The following AMIGO2 variants were observed in gnomAD, a reference collection of about 807,000 sequenced individuals.
AMIGO2 encodes the protein amphoterin-induced protein 2.
Under a neutral mutation model 23.7 loss-of-function variants are expected in AMIGO2, and 15 were observed. The ratio of observed to expected loss-of-function variants is 0.63; its 90% CI spans 0.42 to 0.98. AMIGO2 has a LOEUF of 0.98. Ranked by LOEUF, AMIGO2 falls within the 50% of genes least tolerant of loss-of-function variation. The pLI, the probability that AMIGO2 is intolerant of heterozygous loss-of-function variation, is 0.00. For synonymous variants in AMIGO2, 264 were observed against 252.3 expected, an observed-to-expected ratio of 1.05 and a Z score of -0.44; for missense variants, 561 against 633.1, an observed-to-expected ratio of 0.89 and a Z score of 1.22.
chr12:47,078,994 T>G lies in AMIGO2; in HGVS notation c.9A>C (p.Leu3Phe). 1 of 1,594,296 alleles carries G rather than the reference T, an allele frequency of 6.3e-7. No individual in the cohort carries two copies. Among genetic ancestry groups the G allele is most frequent in the Non-Finnish European group, 8.6e-7 (1 of 1,168,132 alleles). The part of the protein sequence containing the change: MS[L>F]RVHTLPTLLG... ...GCAGGGTGGGCAGAGTGTGTACACG[T>G]AACGACATTATGGTCGCCTCTGAGT... is the stretch of plus-strand genomic sequence containing the variant. Residue 3 changes from leucine (L) to phenylalanine (F), a missense_variant, in exon 3 of 3, where the codon TTA becomes TTC. Physicochemically the swap from Leu to Phe is conservative, Grantham distance 22. Coordinates refer to ENST00000550413, the MANE Select transcript of AMIGO2 (RefSeq NM_001370299.1).
Position 47,078,888 on chromosome 12 carries a change from C to T in AMIGO2, c.115G>A (p.Gly39Arg). The T allele has an allele frequency of 6.2e-7, 1 of 1,614,206 alleles. No individual in the cohort carries two copies. ...CAGATGCAAGCGGTGGGGCACACCCCAGAGGCACCAGGGCCCACAGTCACT... is the reference window on the plus strand; with the variant it reads ...CAGATGCAAGCGGTGGGGCACACCCTAGAGGCACCAGGGCCCACAGTCACT... Reference protein sequence around the residue: ...ITVTVGPGASGVCPTACICAT... With the variant: ...ITVTVGPGASRVCPTACICAT... The change falls in exon 3 of 3, where the codon GGG (glycine) becomes AGG (arginine). Residue 39 changes from glycine (G) to arginine (R), a missense_variant. Physicochemically the swap from Gly to Arg is moderately radical, Grantham distance 125 (BLOSUM62 -2). Transcript: ENST00000550413.
In AMIGO2 at chr12:47,078,910, C is replaced by T. The variant is rs35667451; in HGVS notation, c.93G>A (p.Val31=). 8.7e-3 allele frequency: 14,048 copies of T among 1,614,146 alleles called. 922 individuals carry two copies. The African/African-American group carries it at 0.15, about 18-fold the overall frequency. ...CCCCAGAGGCACCAGGGCCCACAGTCACTGTGATCATCAGCAAACACAGCA... is the reference window on the plus strand; with the variant it reads ...CCCCAGAGGCACCAGGGCCCACAGTTACTGTGATCATCAGCAAACACAGCA... The part of the protein sequence containing the change: ...RELLCLLMIT[V]TVGPGASGVC... The change falls in exon 3 of 3, where the codon GTG becomes GTA. Residue 31 remains valine, a synonymous_variant. Transcript: ENST00000550413.
In AMIGO2 at chr12:47,077,637, C is replaced by A. The variant is rs773000066; in HGVS notation, c.1366G>T (p.Asp456Tyr). The A allele has an allele frequency of 1.2e-5, 20 of 1,614,206 alleles. No homozygotes were observed. Among genetic ancestry groups the A allele is most frequent in the Non-Finnish European group, 1.7e-5 (20 of 1,179,996 alleles). Reference sequence around the variant, plus strand: ...TTACCTGCACCTGCCTTCCGTTCATCAGCGGAGGCATCACTAGCGGGGCCA... The same window carrying A: ...TTACCTGCACCTGCCTTCCGTTCATAAGCGGAGGCATCACTAGCGGGGCCA... ...SPGPASDASADERKAGAGKRV... is the reference protein window; with the variant it reads ...SPGPASDASAYERKAGAGKRV... The change falls in exon 3 of 3, where the codon GAT (aspartate) becomes TAT (tyrosine). Residue 456 changes from aspartate to tyrosine, a missense_variant. Transcript: ENST00000550413.
rs747584427 is a variant in AMIGO2 at position 47,077,492 on chromosome 12, G to C, written c.1511C>G (p.Ser504Cys). Reference sequence around the variant, plus strand: ...CACTGAATTGACTGAATCTGAGTCAGATTTCCCCCTCGTGGACTTTAGGAT... The same window carrying C: ...CACTGAATTGACTGAATCTGAGTCACATTTCCCCCTCGTGGACTTTAGGAT... ...EGILKSTRGK[S>C]DSDSVNSVFS... is the part of the protein sequence containing the mutation. The change falls in exon 3 of 3, where the codon TCT becomes TGT. Residue 504 changes from serine (S) to cysteine (C), a missense_variant. Transcript: ENST00000550413. The C allele has an allele frequency of 8.7e-6, 14 of 1,614,058 alleles. No homozygotes were observed. Among genetic ancestry groups the C allele is most frequent in the Middle Eastern group, 3.3e-4 (2 of 6,084 alleles).
In AMIGO2 at chr12:47,077,586, T is replaced by G. The variant is rs1190292697; in HGVS notation, c.1417A>C (p.Lys473Gln). 1.9e-6 allele frequency: 3 copies of G among 1,614,206 alleles called. No individual in the cohort carries two copies. The highest frequency in any genetic ancestry group is 2.5e-6 in the Non-Finnish European group (3 of 1,180,034). ...CCGTTCTGCCCTGCTGCAGTATCCTTCAGGGGTTCCAAAAACACCACTCTT... is the reference window on the plus strand; with the variant it reads ...CCGTTCTGCCCTGCTGCAGTATCCTGCAGGGGTTCCAAAAACACCACTCTT... ...GKRVVFLEPL[K>Q]DTAAGQNGKV... is the part of the protein sequence containing the mutation. The change falls in exon 3 of 3, where the codon AAG becomes CAG. Residue 473 changes from lysine (K) to glutamine (Q), a missense_variant. Lys to Gln is a moderately conservative substitution (Grantham distance 53). Transcript: ENST00000550413.
chr12:47,077,953 T>G lies in AMIGO2; in HGVS notation c.1050A>C (p.Ile350=), dbSNP rs1190134141. 1.2e-6 allele frequency: 2 copies of G among 1,613,798 alleles called. No individual in the cohort carries two copies. Among genetic ancestry groups the G allele is most frequent in the African/African-American group, 2.7e-5 (2 of 74,938 alleles). ...CAGCATCCTCAAAACGAGGGCTTTC[T>G]ATAACCAGACTTCCATTGTGAAACA... The part of the protein sequence containing the change: ...FYVFHNGSLV[I]ESPRFEDAGV... The change falls in exon 3 of 3, where the codon ATA becomes ATC. Residue 350 remains isoleucine, a synonymous_variant. Transcript: ENST00000550413.
Position 47,077,613 on chromosome 12 carries a change from T to TACC in AMIGO2, c.1387_1389dup (p.Gly463dup). 1 of 1,614,236 alleles carries TACC rather than the reference T, an allele frequency of 6.2e-7. No individual in the cohort carries two copies. The highest frequency in any genetic ancestry group is 8.5e-7 in the Non-Finnish European group (1 of 1,180,036). ...AGGGGTTCCAAAAACACCACTCTTT[T>TACC]ACCTGCACCTGCCTTCCGTTCATCA... On this transcript the variant is annotated inframe_insertion, in exon 3 of 3. Coordinates refer to ENST00000550413, the MANE Select transcript of AMIGO2 (RefSeq NM_001370299.1).
chr12:47,078,982 A>G lies in AMIGO2; in HGVS notation c.21T>C (p.Thr7=). MSLRVH[T]LPTLLGAVVR... is the part of the protein sequence containing the mutation. ...CGACGGCTCCAAGCAGGGTGGGCAG[A>G]GTGTGTACACGTAACGACATTATGG... The change falls in exon 3 of 3, where the codon ACT becomes ACC. Residue 7 remains threonine, a synonymous_variant. Coordinates refer to ENST00000550413, the MANE Select transcript of AMIGO2 (RefSeq NM_001370299.1). 1 of 1,610,350 alleles carries G rather than the reference A, an allele frequency of 6.2e-7. No individual in the cohort carries two copies. The highest frequency in any genetic ancestry group is 1.7e-5 in the Admixed American group (1 of 59,760).
downstream of AMIGO2, chr12:47,076,250 T>C (rs987471830): frequency 2.0e-5 from 3 of 152,164 alleles, no homozygotes; most frequent in African/African-American, 7.2e-5. Flanking sequence ...GAGAGGGTAC[T>C]TGATTGCCTC....
chr12:47,076,630 A>G lies in AMIGO2; in HGVS notation c.*804T>C, dbSNP rs191561975. 1 of 152,786 alleles carries G rather than the reference A, an allele frequency of 6.5e-6. No homozygotes were observed. Among genetic ancestry groups the G allele is most frequent in the Non-Finnish European group, 1.5e-5 (1 of 68,042 alleles). 9.5% of individuals were successfully genotyped at this position (152,786 alleles called of 1,614,324 possible). ...TACAGTAGGGTCTATTTAATAGTTC[A>G]CATAATTTAAGATTTACATATACAC... On this transcript the variant is annotated 3_prime_UTR_variant, in exon 3 of 3. Coordinates refer to ENST00000550413, the MANE Select transcript of AMIGO2 (RefSeq NM_001370299.1).
Position 47,078,511 on chromosome 12 carries a change from G to T in AMIGO2, c.492C>A (p.Leu164=). 6.2e-7 allele frequency: 1 copy of T among 1,614,220 alleles called. No homozygotes were observed. Among genetic ancestry groups the T allele is most frequent in the Non-Finnish European group, 8.5e-7 (1 of 1,180,048 alleles). Reference sequence around the variant, plus strand: ...TTAAGTAGAGTTTCTGCAACTGGGAGAGCCCTCCAAACGCTGAAGGATCGA... The same window carrying T: ...TTAAGTAGAGTTTCTGCAACTGGGATAGCCCTCCAAACGCTGAAGGATCGA... ...SYLDPSAFGG[L]SQLQKLYLSG... The change falls in exon 3 of 3, where the codon CTC becomes CTA. Residue 164 remains leucine (L), a synonymous_variant. Transcript: ENST00000550413.
At position 47,077,659 on chromosome 12, in the gene AMIGO2, G is replaced by A. The variant is rs1460230774; in HGVS notation, c.1344C>T (p.Gly448=). Residue 448 remains glycine (G), a synonymous_variant, in exon 3 of 3, where the codon GGC becomes GGT. Transcript: ENST00000550413. ...CATCAGCGGAGGCATCACTAGCGGG[G>A]CCAGGACTGAGAATCGATGAATGGG... The part of the protein sequence containing the change: ...SNAHSSILSP[G]PASDASADER... 6.2e-7 allele frequency: 1 copy of A among 1,614,214 alleles called. No individual in the cohort carries two copies. Among genetic ancestry groups the A allele is most frequent in the East Asian group, 2.2e-5 (1 of 44,888 alleles).
At chr12:47,075,960 C>T (rs1198540622), downstream of AMIGO2, 1 of 152,200 alleles carries the variant, frequency 6.6e-6, no homozygotes, top group African/African-American at 2.4e-5. Flanking sequence ...ACTGTTTGAC[C>T]TTACACAGGT....
At position 47,077,559 on chromosome 12, in the gene AMIGO2, T is replaced by G; in HGVS notation, c.1444A>C (p.Lys482Gln). Residue 482 changes from lysine to glutamine, a missense_variant, in exon 3 of 3, where the codon AAA becomes CAA. Lys to Gln is a moderately conservative substitution (Grantham distance 53). Coordinates refer to ENST00000550413, the MANE Select transcript of AMIGO2 (RefSeq NM_001370299.1). ...GCCTCGCTGGGAAAGAGCCTGACTT[T>G]CCCGTTCTGCCCTGCTGCAGTATCC... is the stretch of plus-strand genomic sequence containing the variant. Reference protein sequence around the residue: ...LKDTAAGQNGKVRLFPSEAVI... With the variant: ...LKDTAAGQNGQVRLFPSEAVI... 6.2e-7 allele frequency: 1 copy of G among 1,614,202 alleles called. No individual in the cohort carries two copies. Among genetic ancestry groups the G allele is most frequent in the Non-Finnish European group, 8.5e-7 (1 of 1,180,040 alleles).
In AMIGO2 at chr12:47,076,504, C is replaced by G. The variant is rs1343798618; in HGVS notation, c.*930G>C. On this transcript the variant is annotated 3_prime_UTR_variant, in exon 3 of 3. Coordinates refer to ENST00000550413, the MANE Select transcript of AMIGO2 (RefSeq NM_001370299.1). ...TATACAAAATAGCATAATCTGATAA[C>G]ATAAGACATTTTAGATTTATGTTTT... 1 of 152,516 alleles carries G rather than the reference C, an allele frequency of 6.6e-6. No individual in the cohort carries two copies. Among genetic ancestry groups the G allele is most frequent in the Non-Finnish European group, 1.5e-5 (1 of 68,010 alleles). 9.4% of individuals were successfully genotyped at this position (152,516 alleles called of 1,614,324 possible).
chr12:47,077,308 G>A lies in AMIGO2; in HGVS notation c.*126C>T. 7.8e-7 allele frequency: 1 copy of A among 1,283,548 alleles called. No homozygotes were observed. The highest frequency in any genetic ancestry group is 1.0e-6 in the Non-Finnish European group (1 of 956,128). The allele number at this position is 1,283,548 out of a possible 1,614,324, so 79.5% of individuals were successfully genotyped here. A position where few individuals can be genotyped will look rare whatever the true frequency, so the allele number is the denominator to read the frequency against. On this transcript the variant is annotated 3_prime_UTR_variant, in exon 3 of 3. Transcript: ENST00000550413. ...CCTCATTTCCTACCAATCATTTTAA[G>A]AGAATTTGGTTGTATTTCAAAGAAC...
chr12:47,077,551 C>T lies in AMIGO2; in HGVS notation c.1452G>A (p.Arg484=), dbSNP rs368276011. 6.8e-6 allele frequency: 11 copies of T among 1,613,990 alleles called. No individual in the cohort carries two copies. The African/African-American group carries it at 9.3e-5, about 14-fold the overall frequency. The change falls in exon 3 of 3, where the codon AGG becomes AGA. Residue 484 remains arginine, a synonymous_variant. Coordinates refer to ENST00000550413, the MANE Select transcript of AMIGO2 (RefSeq NM_001370299.1). The part of the protein sequence containing the change: ...DTAAGQNGKV[R]LFPSEAVIAE... Reference sequence around the variant, plus strand: ...CTATCACTGCCTCGCTGGGAAAGAGCCTGACTTTCCCGTTCTGCCCTGCTG... The same window carrying T: ...CTATCACTGCCTCGCTGGGAAAGAGTCTGACTTTCCCGTTCTGCCCTGCTG...
In AMIGO2 at chr12:47,079,953, A is replaced by C. The variant is rs1941943236; in HGVS notation, c.-662T>G. On this transcript the variant is annotated 5_prime_UTR_variant, in exon 1 of 3. Transcript: ENST00000550413. Reference sequence around the variant, plus strand: ...CTGCCTCCTGCGGGCAGCAGCTCGGAGCCTGCGGGAGGGAGCAGGCTGGGC... The same window carrying C: ...CTGCCTCCTGCGGGCAGCAGCTCGGCGCCTGCGGGAGGGAGCAGGCTGGGC... 6.6e-6 allele frequency: 1 copy of C among 151,562 alleles called. No homozygotes were observed. The highest frequency in any genetic ancestry group is 1.5e-5 in the Non-Finnish European group (1 of 67,862). The allele number at this position is 151,562 out of a possible 1,614,324, so 9.4% of individuals were successfully genotyped here. A position where few individuals can be genotyped will look rare whatever the true frequency, so the allele number is the denominator to read the frequency against.
At position 47,078,165 on chromosome 12, in the gene AMIGO2, T is replaced by C. The variant is rs1941887661; in HGVS notation, c.838A>G (p.Met280Val). Residue 280 changes from methionine (M) to valine (V), a missense_variant, in exon 3 of 3, where the codon ATG becomes GTG. Met to Val is a conservative substitution (Grantham distance 21). Transcript: ENST00000550413. ...TTGATGATGCTGTCAGAGCAATTCA[T>C]AAAGCTATCCTGGAGCAGAAGTACC... ...RQVLLLQDSF[M>V]NCSDSIINGS... 2.5e-6 allele frequency: 4 copies of C among 1,614,152 alleles called. No homozygotes were observed. Among genetic ancestry groups the C allele is most frequent in the South Asian group, 1.1e-5 (1 of 91,078 alleles).
Sources: allele counts gnomAD v4.1 joint callset, GRCh38; gene constraint gnomAD v4.1.1; transcripts MANE v1.5; gene names NCBI Gene and HGNC (gene_info 2026-07-23, HGNC 2026-07-21).